CDC5L: variants seen among roughly 807,000 people sequenced by gnomAD.
CDC5L encodes the protein cell division cycle 5 like, also known as cell division cycle 5-like protein.
In CDC5L, 18 loss-of-function variants were observed where a neutral mutation model predicts 104.1. That is an observed-to-expected ratio of 0.17 (90% CI 0.12 to 0.26). CDC5L has a LOEUF of 0.26. CDC5L is among the 10% of genes least tolerant of loss of function. The pLI, the probability that CDC5L is intolerant of heterozygous loss-of-function variation, is 1.00. For synonymous variants in CDC5L, 331 were observed against 322.7 expected (o/e 1.03, Z -0.28); for missense variants, 673 against 956.9 (o/e 0.70, Z 3.91).
chr6:44,445,024 A>G (rs550738966), intron 14 of CDC5L, among the ~76,000 whole-genome samples: 1 of 152,356 alleles, frequency 6.6e-6, no homozygotes, highest in African/African-American at 2.4e-5. Context: ...AGACTGTGCC[A>G]TGAGCCCCTT....
rs1224410500 is a variant in CDC5L at position 44,406,303 on chromosome 6, T to C, written c.759-20T>C. 2 of 1,566,634 alleles carry C rather than the reference T, an allele frequency of 1.3e-6. No homozygotes were observed. The highest frequency in any genetic ancestry group is 1.7e-6 in the Non-Finnish European group (2 of 1,155,070). ...CTATATGTAACTTAAAAATCTCTTT[T>C]CTACTTTGATCCATGACAGTGAAAA... On this transcript the variant is annotated intron_variant, in intron 6 of 15. Coordinates refer to ENST00000371477, the MANE Select transcript of CDC5L (RefSeq NM_001253.4).
Position 44,421,607 on chromosome 6 carries a change from CTG to C in CDC5L, c.1242-1037_1242-1036del, listed in dbSNP as rs559917985. Among the ~76,000 whole-genome samples the C allele has an allele frequency of 7.2e-5, 11 of 152,328 alleles. No individual in the cohort carries two copies. In the South Asian group the frequency reaches 1.0e-3, roughly 14 times the overall value. On this transcript the variant is annotated intron_variant, in intron 9 of 15. Transcript: ENST00000371477. ...CTCTCTGTATCTGAGGATTCCACAT[CTG>C]TGAATTCAACCAACTGTGGATAAAA...
chr6:44,402,449 T>A (rs186999063), intron 5 of CDC5L, among the ~76,000 whole-genome samples: 41 of 152,342 alleles, frequency 2.7e-4, no homozygotes, highest in African/African-American at 9.6e-4. Context: ...CTTTAATTGG[T>A]TGTTTTTAAA....
intron 2 of CDC5L, among the ~76,000 whole-genome samples, chr6:44,392,322 C>T (rs566403755): frequency 6.6e-6 from 1 of 152,162 alleles, no homozygotes; most frequent in African/African-American, 2.4e-5. Flanking sequence ...AAACTGGAAA[C>T]ACTGTAAGAA....
intron 8 of CDC5L, among the ~76,000 whole-genome samples, chr6:44,412,533 C>CT (rs1181125603): frequency 6.6e-6 from 1 of 151,530 alleles, no homozygotes; most frequent in African/African-American, 2.4e-5. Flanking sequence ...TGACCCCCCA[C>CT]TTTTTTCAGT....
At chr6:44,395,401 T>C (rs1790824955) in intron 4 of CDC5L, among the ~76,000 whole-genome samples, 1 of 152,204 alleles carries the variant, frequency 6.6e-6, no homozygotes, top group Non-Finnish European at 1.5e-5. Flanking sequence ...GAATCAGGAA[T>C]TGGATTTTCA....
chr6:44,446,676 C>T lies in CDC5L; in HGVS notation c.2374C>T (p.Leu792=). Residue 792 remains leucine (L), a synonymous_variant, in exon 16 of 16, where the codon CTG becomes TTG. Transcript: ENST00000371477. ...ACTTCAACATAGATATGCTGATTTG[C>T]TGCTGGAGAAAGAGACTTTAAAGTC... is the stretch of plus-strand genomic sequence containing the variant. ...KELQHRYADL[L]LEKETLKSKF is the part of the protein sequence containing the mutation. 1 of 1,588,874 alleles carries T rather than the reference C, an allele frequency of 6.3e-7. No individual in the cohort carries two copies. The highest frequency in any genetic ancestry group is 8.6e-7 in the Non-Finnish European group (1 of 1,165,960).
At position 44,426,162 on chromosome 6, in the gene CDC5L, A is replaced by G. The variant is rs1792409633; in HGVS notation, c.1629A>G (p.Lys543=). ...AACGAATGCATAAAGCTGTCCAGAA[A>G]GATCTGCCAAGACCATCAGAAGTAA... is the stretch of plus-strand genomic sequence containing the variant. The part of the protein sequence containing the change: ...EMKRMHKAVQ[K]DLPRPSEVNE... Residue 543 remains lysine, a synonymous_variant, in exon 12 of 16, where the codon AAA becomes AAG. Transcript: ENST00000371477. The G allele has an allele frequency of 6.2e-7, 1 of 1,608,308 alleles. No homozygotes were observed. Among genetic ancestry groups the G allele is most frequent in the Non-Finnish European group, 8.5e-7 (1 of 1,176,514 alleles).
chr6:44,409,060 T>A (rs1166127412), intron 8 of CDC5L, among the ~76,000 whole-genome samples: 1 of 152,232 alleles, frequency 6.6e-6, no homozygotes, highest in East Asian at 1.9e-4. Context: ...TCCCAGGGTG[T>A]CTGTATACCA....
intron 8 of CDC5L, among the ~76,000 whole-genome samples, chr6:44,412,249 A>G (rs1008580373): frequency 5.9e-5 from 9 of 151,598 alleles, no homozygotes; most frequent in African/African-American, 1.7e-4. Context: ...CACTTTATCC[A>G]TGCCTCAGCC....
At chr6:44,401,468 C>T (rs558685005) in intron 5 of CDC5L, among the ~76,000 whole-genome samples, 45 of 152,166 alleles carry the variant, frequency 3.0e-4, no homozygotes, top group African/African-American at 1.1e-3. Flanking sequence ...ACTTTGCCAC[C>T]AGAAATACTG....
chr6:44,431,300 A>G (rs543678860), intron 14 of CDC5L, among the ~76,000 whole-genome samples: 27 of 152,290 alleles, frequency 1.8e-4, no homozygotes, highest in Non-Finnish European at 2.6e-4. Context: ...TGTATTACCA[A>G]CTTCCAGCAG....
At chr6:44,435,942 C>T (rs773163039) in intron 14 of CDC5L, among the ~76,000 whole-genome samples, 17 of 151,872 alleles carry the variant, frequency 1.1e-4, no homozygotes, top group Non-Finnish European at 2.1e-4. Context: ...CCACCACGCT[C>T]GGCTAATTTT....
intron 14 of CDC5L, among the ~76,000 whole-genome samples, chr6:44,440,366 C>T (rs1411555932): frequency 4.6e-5 from 7 of 151,616 alleles, no homozygotes; most frequent in East Asian, 3.9e-4. Context: ...CTCAGCCTCC[C>T]GAGTAGCTGG....
At chr6:44,422,906 C>A in intron 10 of CDC5L, 97 bp downstream of exon 10, 1 of 670,074 alleles carries the variant, frequency 1.5e-6, no homozygotes, top group Non-Finnish European at 2.5e-6. Flanking sequence ...TCACATATAC[C>A]TTAAGAATCT....
At chr6:44,399,151 CTA>C (rs940866788) in intron 5 of CDC5L, among the ~76,000 whole-genome samples, 3 of 152,168 alleles carry the variant, frequency 2.0e-5, no homozygotes, top group Non-Finnish European at 4.4e-5. Context: ...CGGAGTCTCG[CTA>C]TGTTGCCCAG....
intron 4 of CDC5L, among the ~76,000 whole-genome samples, chr6:44,394,444 G>A (rs1790756617): frequency 1.3e-5 from 2 of 152,150 alleles, no homozygotes; most frequent in South Asian, 4.1e-4. Context: ...TGTGTGAGAA[G>A]GCAACCTGTG....
rs760987818 is a variant in CDC5L, at chr6:44,429,813, A to G, written c.1994A>G (p.Tyr665Cys). The change falls in exon 14 of 16, where the codon TAC (tyrosine) becomes TGC (cysteine). Residue 665 changes from tyrosine (Y) to cysteine (C), a missense_variant. Tyr to Cys is a radical substitution (Grantham distance 194). Coordinates refer to ENST00000371477, the MANE Select transcript of CDC5L (RefSeq NM_001253.4). The stretch of plus-strand genomic sequence containing the variant: ...TATAACCAGGTGTGGGAAGAATGCT[A>G]CAGTCAAGTTTTATATCTTCCTGGG... The part of the protein sequence containing the change: ...EAYNQVWEEC[Y>C]SQVLYLPGQS... 2 of 1,614,150 alleles carry G rather than the reference A, an allele frequency of 1.2e-6. No homozygotes were observed. The highest frequency in any genetic ancestry group is 2.2e-5 in the East Asian group (1 of 44,888).
chr6:44,394,304 A>G (rs1214310171), intron 4 of CDC5L, among the ~76,000 whole-genome samples: 1 of 152,186 alleles, frequency 6.6e-6, no homozygotes, highest in Non-Finnish European at 1.5e-5. Flanking sequence ...TAGATTTTTC[A>G]GAGGCTAGAG....
Sources: allele counts gnomAD v4.1 joint callset (sites outside exome capture counted in the v4.1 genomes callset), GRCh38; gene constraint gnomAD v4.1.1; transcripts MANE v1.5; gene names NCBI Gene and HGNC (gene_info 2026-07-23, HGNC 2026-07-21).